NEDD4L: variants seen among roughly 807,000 people sequenced by gnomAD.
NEDD4L encodes the protein E3 ubiquitin-protein ligase NEDD4-like.
Under a neutral mutation model 148.9 loss-of-function variants are expected in NEDD4L, and 54 were observed. The ratio of observed to expected loss-of-function variants is 0.36; its 90% CI spans 0.29 to 0.45. The LOEUF is 0.45. NEDD4L is among the 20% of genes least tolerant of loss of function. The pLI is 1.00. For missense variants in NEDD4L, 856 were observed against 1,233.8 expected (o/e 0.69, Z 4.59); for synonymous variants, 433 against 440.7 (o/e 0.98, Z 0.22).
At chr18:58,296,659 C>T (rs753313061) in intron 5 of NEDD4L, among the ~76,000 whole-genome samples, 1 of 152,218 alleles carries the variant, frequency 6.6e-6, no homozygotes, top group Non-Finnish European at 1.5e-5. Context: ...CGGTGGCTCA[C>T]GCCTGTAATC....
At chr18:58,166,335 G>A (rs1329541276) in intron 2 of NEDD4L, among the ~76,000 whole-genome samples, 1 of 152,210 alleles carries the variant, frequency 6.6e-6, no homozygotes, top group Admixed American at 6.5e-5. Context: ...TACCAGCAGG[G>A]AAGCAGCCAG....
intron 6 of NEDD4L, 61 bp from the exon 7 acceptor site, chr18:58,322,364 G>C (rs2058870505): frequency 8.8e-7 from 1 of 1,136,700 alleles, no homozygotes; most frequent in Non-Finnish European, 1.3e-6. Context: ...CCAGTTGCCT[G>C]TATCTAAAAC....
intron 1 of NEDD4L, chr18:58,045,327 C>T: frequency 2.5e-6 from 1 of 394,344 alleles, no homozygotes; most frequent in Non-Finnish European, 4.5e-6. Context: ...AGGCTGGTGG[C>T]AGGTGCTCCT....
At chr18:58,107,987 T>G (rs2085175734) in intron 1 of NEDD4L, among the ~76,000 whole-genome samples, 1 of 152,148 alleles carries the variant, frequency 6.6e-6, no homozygotes, top group Admixed American at 6.5e-5. Context: ...CCCAAAGTAC[T>G]GGGATTACAG....
intron 5 of NEDD4L, among the ~76,000 whole-genome samples, chr18:58,266,068 A>G (rs1208267294): frequency 6.6e-6 from 1 of 152,122 alleles, no homozygotes; most frequent in Non-Finnish European, 1.5e-5. Flanking sequence ...TAAATATCAT[A>G]TGTATTTAGA....
At chr18:58,298,391 A>G (rs960347199) in intron 5 of NEDD4L, among the ~76,000 whole-genome samples, 2 of 152,220 alleles carry the variant, frequency 1.3e-5, no homozygotes, top group Admixed American at 6.5e-5. Flanking sequence ...CAGCAACAAT[A>G]TAGAAGACAA....
chr18:58,323,962 C>T lies in NEDD4L; in HGVS notation c.513+628C>T, dbSNP rs190181139. Among the ~76,000 whole-genome samples the T allele has an allele frequency of 1.6e-4, 25 of 152,282 alleles. No homozygotes were observed. The East Asian group carries it at 4.1e-3, about 25-fold the overall frequency. On this transcript the variant is annotated intron_variant, in intron 8 of 30. Transcript: ENST00000400345. ...TCATATTCTCAAAGTGTCCATTAAA[C>T]GAGACCTCTCTAGGGCTTATTCTCA...
chr18:58,143,962 T>C (rs2033830322), intron 1 of NEDD4L, among the ~76,000 whole-genome samples: 1 of 152,204 alleles, frequency 6.6e-6, no homozygotes, highest in Non-Finnish European at 1.5e-5. Context: ...GTCATAGGTT[T>C]CTGTTTTGAT....
At chr18:58,255,729 A>C in intron 5 of NEDD4L, 4 of 1,232,296 alleles carry the variant, frequency 3.2e-6, no homozygotes, top group Non-Finnish European at 3.0e-6. Context: ...AGAGAAGACG[A>C]CTTCTTCATG....
At chr18:58,294,485 A>G (rs912540847) in intron 5 of NEDD4L, among the ~76,000 whole-genome samples, 2 of 152,348 alleles carry the variant, frequency 1.3e-5, no homozygotes, top group African/African-American at 4.8e-5. Context: ...CAGCCCTGGA[A>G]TGAACAGAAA....
intron 2 of NEDD4L, among the ~76,000 whole-genome samples, chr18:58,213,191 A>T (rs1265384662): frequency 6.6e-6 from 1 of 152,240 alleles, no homozygotes; most frequent in Non-Finnish European, 1.5e-5. Context: ...ATATTAAAAT[A>T]AAAAACTATC....
At chr18:58,346,583 G>GA (rs2043099218) in intron 16 of NEDD4L, among the ~76,000 whole-genome samples, 1 of 152,156 alleles carries the variant, frequency 6.6e-6, no homozygotes, top group South Asian at 2.1e-4. Flanking sequence ...TTCCAGGATG[G>GA]AAAAGATAAA....
intron 1 of NEDD4L, among the ~76,000 whole-genome samples, chr18:58,048,873 C>A (rs1334262739): frequency 6.6e-6 from 1 of 152,210 alleles, no homozygotes; most frequent in East Asian, 1.9e-4. Context: ...TCTTAGGGGT[C>A]TTTCTACTTG....
chr18:58,184,554 G>T (rs914309396), intron 2 of NEDD4L, among the ~76,000 whole-genome samples: 2 of 152,138 alleles, frequency 1.3e-5, no homozygotes, highest in Admixed American at 6.5e-5. Context: ...AAACCGATCA[G>T]TTCATAAAGT....
intron 1 of NEDD4L, among the ~76,000 whole-genome samples, chr18:58,100,371 C>T (rs2084680782): frequency 6.6e-6 from 1 of 152,180 alleles, no homozygotes; most frequent in Non-Finnish European, 1.5e-5. Flanking sequence ...TTACTTGCCA[C>T]CTGCTTGAGA....
At chr18:58,204,598 G>A (rs373917969) in intron 2 of NEDD4L, among the ~76,000 whole-genome samples, 42 of 152,236 alleles carry the variant, frequency 2.8e-4, no homozygotes, top group African/African-American at 7.7e-4. Flanking sequence ...ATGAGCAGGC[G>A]TCTAAGTAAA....
At chr18:58,369,493 C>T (rs2046552095) in intron 22 of NEDD4L, among the ~76,000 whole-genome samples, 1 of 68,300 alleles carries the variant, frequency 1.5e-5, no homozygotes, top group Non-Finnish European at 3.1e-5. Flanking sequence ...TCCCTGTCGG[C>T]AGGGCTCATT....
intron 1 of NEDD4L, among the ~76,000 whole-genome samples, chr18:58,146,482 G>T (rs549404892): frequency 6.6e-6 from 1 of 152,112 alleles, no homozygotes; most frequent in Non-Finnish European, 1.5e-5. Context: ...TTACTAGGGT[G>T]TCCAGCGACC....
chr18:58,339,412 A>T (rs942368967), intron 13 of NEDD4L, among the ~76,000 whole-genome samples: 1 of 152,072 alleles, frequency 6.6e-6, no homozygotes, highest in African/African-American at 2.4e-5. Flanking sequence ...GGAGGAGGGG[A>T]GGAAGGAGCT....
Sources: gnomAD v4.1 joint callset for allele counts (sites outside exome capture counted in the v4.1 genomes callset) on GRCh38, gnomAD v4.1.1 for gene constraint, MANE v1.5 for transcripts, NCBI Gene and HGNC (gene_info 2026-07-23, HGNC 2026-07-21) for gene names.